LIPC: variants seen among roughly 807,000 people sequenced by gnomAD.
LIPC encodes lipase C, hepatic type.
In LIPC, 44 loss-of-function variants were observed where a neutral mutation model predicts 50.7. The observed-to-expected ratio is 0.87, with a 90% CI of 0.68 to 1.11. The LOEUF (loss-of-function observed/expected upper bound fraction) is 1.11. LIPC is among the 50% of genes most tolerant of loss of function. LIPC has a pLI of 0.00. For missense variants in LIPC, 697 were observed against 648.2 expected, an observed-to-expected ratio of 1.08 and a Z score of -0.82; for synonymous variants, 271 against 256.4, an observed-to-expected ratio of 1.06 and a Z score of -0.54.
At chr15:58,487,958 C>G (rs1393058548) in intron 1 of LIPC, among the ~76,000 whole-genome samples, 3 of 152,210 alleles carry the variant, frequency 2.0e-5, no homozygotes, top group Non-Finnish European at 4.4e-5. Flanking sequence ...CTACTCAACT[C>G]TGAGCTTCAG....
At chr15:58,500,427 CTT>C (rs1181160136) in intron 1 of LIPC, among the ~76,000 whole-genome samples, 4 of 152,192 alleles carry the variant, frequency 2.6e-5, no homozygotes, top group African/African-American at 9.7e-5. Flanking sequence ...CCATGTTGCT[CTT>C]GTGTCCACAA....
At chr15:58,552,984 G>T (rs934477644) in intron 6 of LIPC, among the ~76,000 whole-genome samples, 3 of 152,194 alleles carry the variant, frequency 2.0e-5, no homozygotes, top group East Asian at 3.9e-4. Flanking sequence ...GATGACACCC[G>T]ATTAACACCT....
rs770769505 is a variant in LIPC at position 58,565,190 on chromosome 15, G to A, written c.1388+1467G>A. On this transcript the variant is annotated intron_variant, in intron 8 of 8. Coordinates refer to ENST00000299022, the MANE Select transcript of LIPC (RefSeq NM_000236.3). ...CCGTCTGCCAACAGATCTCCCAACA[G>A]GATCAATCTGGGAAGATTAAACTGC... 19 of 1,535,406 alleles carry A rather than the reference G, an allele frequency of 1.2e-5. No homozygotes were observed. The South Asian group carries it at 2.1e-4, about 17-fold the overall frequency.
chr15:58,565,272 C>G, intron 8 of LIPC: 3 of 1,535,620 alleles, frequency 2.0e-6, no homozygotes, highest in Non-Finnish European at 2.6e-6. Flanking sequence ...ATTGGAGCAG[C>G]GCTGCTTCTG....
At chr15:58,472,516 C>A (rs1459430958) in intron 1 of LIPC, among the ~76,000 whole-genome samples, 1 of 145,396 alleles carries the variant, frequency 6.9e-6, no homozygotes, top group East Asian at 2.0e-4. Context: ...ATGGAGGTTG[C>A]AGTGAGCCAA....
intron 6 of LIPC, among the ~76,000 whole-genome samples, chr15:58,552,434 C>A (rs574595510): frequency 5.8e-4 from 89 of 152,326 alleles, no homozygotes; most frequent in African/African-American, 1.8e-3. Context: ...CTGCGGCATT[C>A]CAGCTGCATG....
intron 8 of LIPC, 115 bp from the exon 9 acceptor site, chr15:58,568,601 A>T: frequency 1.4e-6 from 1 of 693,042 alleles, no homozygotes; most frequent in Non-Finnish European, 2.5e-6. Flanking sequence ...AATCTAACTT[A>T]AAAAAAGACA....
chr15:58,533,190 A>T, intron 1 of LIPC: 1 of 984,694 alleles, frequency 1.0e-6, no homozygotes, highest in African/African-American at 1.7e-5. Context: ...TTCAGAAGGT[A>T]TGCTTGGAGA....
rs536831989 is a variant in LIPC, at chr15:58,520,886, G to A, written c.89-17447G>A. ...TTCACAAAGGCAATTTTTAAAGACT[G>A]AGTTATAAGGCTCAAAATAAATGAG... On this transcript the variant is annotated intron_variant, in intron 1 of 8. Transcript: ENST00000299022. 2.6e-5 allele frequency among the ~76,000 whole-genome samples: 4 copies of A among 152,260 alleles called. No homozygotes were observed. In the South Asian group the frequency reaches 6.2e-4, roughly 24 times the overall value.
chr15:58,454,103 T>TGGGA (rs1894018890), intron 1 of LIPC, among the ~76,000 whole-genome samples: 1 of 152,132 alleles, frequency 6.6e-6, no homozygotes, highest in South Asian at 2.1e-4. Context: ...GATGGCAAGA[T>TGGGA]GGGAACCCAG....
chr15:58,442,790 CAGA>C (rs1300853760), intron 1 of LIPC, among the ~76,000 whole-genome samples: 4 of 151,926 alleles, frequency 2.6e-5, no homozygotes, highest in Admixed American at 6.6e-5. Context: ...AGGGCAGAGG[CAGA>C]AGAAGCCTCC....
chr15:58,536,841 T>C (rs1186655367), intron 1 of LIPC, among the ~76,000 whole-genome samples: 1 of 152,230 alleles, frequency 6.6e-6, no homozygotes, highest in East Asian at 1.9e-4. Flanking sequence ...ATTAATAACC[T>C]TTTGAGTTAA....
intron 6 of LIPC, among the ~76,000 whole-genome samples, chr15:58,560,358 G>A (rs11639204): frequency 0.95 from 144,415 of 152,218 alleles, 68,715 homozygotes; most frequent in Middle Eastern, 0.99. Flanking sequence ...GAACTGCCCC[G>A]GAATATAAAC....
chr15:58,555,325 C>T (rs1456895281), intron 6 of LIPC, among the ~76,000 whole-genome samples: 3 of 152,002 alleles, frequency 2.0e-5, no homozygotes, highest in Non-Finnish European at 2.9e-5. Flanking sequence ...TTTGTGGCAG[C>T]GATAGCCCAG....
intron 2 of LIPC, 168 bp from the exon 3 acceptor site, chr15:58,541,617 A>G (rs1566944319): frequency 1.4e-6 from 1 of 717,616 alleles, no homozygotes; most frequent in Admixed American, 2.1e-5. Context: ...TACAATGCCC[A>G]AGACAGCCCC....
At chr15:58,461,125 A>G (rs1894333836) in intron 1 of LIPC, among the ~76,000 whole-genome samples, 1 of 152,226 alleles carries the variant, frequency 6.6e-6, no homozygotes, top group South Asian at 2.1e-4. Flanking sequence ...GGGAGACGTC[A>G]TAACAAGACC....
At chr15:58,470,823 G>C (rs1251823973) in intron 1 of LIPC, among the ~76,000 whole-genome samples, 1 of 152,060 alleles carries the variant, frequency 6.6e-6, no homozygotes, top group Admixed American at 6.6e-5. Context: ...GGATGGTCTT[G>C]ATCTCCTGAC....
At chr15:58,540,350 A>G (rs1461289358) in intron 2 of LIPC, among the ~76,000 whole-genome samples, 3 of 152,192 alleles carry the variant, frequency 2.0e-5, no homozygotes, top group Non-Finnish European at 4.4e-5. Flanking sequence ...TGTTCCAGAC[A>G]CTGCTCTAAG....
At chr15:58,520,236 C>T (rs2140874120) in intron 1 of LIPC, among the ~76,000 whole-genome samples, 1 of 150,826 alleles carries the variant, frequency 6.6e-6, no homozygotes, top group Admixed American at 6.7e-5. Flanking sequence ...AATGTTAAAA[C>T]CTAAAAGCAA....
Sources: gnomAD v4.1 joint callset for allele counts (sites outside exome capture counted in the v4.1 genomes callset) on GRCh38, gnomAD v4.1.1 for gene constraint, MANE v1.5 for transcripts, NCBI Gene and HGNC (gene_info 2026-07-23, HGNC 2026-07-21) for gene names.